Variants in ABR observed in about 807,000 individuals in gnomAD.
The protein encoded by ABR is ABR activator of RhoGEF and GTPase.
Under a neutral mutation model 107.2 loss-of-function variants are expected in ABR, and 35 were observed. The ratio of observed to expected loss-of-function variants is 0.33; its 90% CI spans 0.25 to 0.43. The LOEUF is 0.43. ABR is among the 20% of genes least tolerant of loss of function. The probability of loss-of-function intolerance (pLI) is 1.00; values close to 1 mark genes in which losing one functional copy is unlikely to be tolerated. For synonymous variants in ABR, 498 were observed against 462.0 expected, an observed-to-expected ratio of 1.08 and a Z score of -1.00; for missense variants, 815 against 1,115.2, an observed-to-expected ratio of 0.73 and a Z score of 3.83.
chr17:1,049,593 C>T (rs1363790462), intron 16 of ABR, among the ~76,000 whole-genome samples: 3 of 152,166 alleles, frequency 2.0e-5, no homozygotes, highest in African/African-American at 7.2e-5. Flanking sequence ...CCCCCCTCCC[C>T]CCAAGCCAAC....
chr17:1,160,663 C>G (rs144457026), intron 1 of ABR, among the ~76,000 whole-genome samples: 2 of 152,168 alleles, frequency 1.3e-5, no homozygotes, highest in Non-Finnish European at 2.9e-5. Context: ...AGCCAGACGC[C>G]GAGCGCGTAC....
chr17:1,058,655 G>A lies in ABR; in HGVS notation c.1305+90C>T, dbSNP rs543959680. The A allele has an allele frequency of 1.6e-4, 243 of 1,502,392 alleles. No homozygotes were observed. In the African/African-American group the frequency reaches 2.7e-3, roughly 17 times the overall value. 93.1% of individuals were successfully genotyped at this position (1,502,392 alleles called of 1,614,324 possible). A position where few individuals can be genotyped will look rare whatever the true frequency, so the allele number is the denominator to read the frequency against. ...TCAGGAAGAGGGGGCCTGAGTTTCC[G>A]GTTCGTACAGGTCAGGGCCAGGAGC... is the stretch of plus-strand genomic sequence containing the variant. On this transcript the variant is annotated intron_variant, in intron 11 of 22. Coordinates refer to ENST00000302538, the MANE Select transcript of ABR (RefSeq NM_021962.5).
At chr17:1,125,852 A>C (rs2039576905) in intron 1 of ABR, 1 of 166,300 alleles carries the variant, frequency 6.0e-6, no homozygotes. Context: ...CCAGGGGTCC[A>C]GGGCAGGTTC....
chr17:1,181,444 T>C (rs2042130707), upstream of ABR, among the ~76,000 whole-genome samples: 1 of 152,008 alleles, frequency 6.6e-6, no homozygotes, highest in African/African-American at 2.4e-5. Context: ...CGTCCCTGCG[T>C]CCCCAGGGCT....
At chr17:1,195,394 C>G (rs534665523) in intron 1 of ABR, among the ~76,000 whole-genome samples, 1 of 151,610 alleles carries the variant, frequency 6.6e-6, no homozygotes, top group African/African-American at 2.4e-5. Flanking sequence ...TCAGGCCCGG[C>G]CCTTAAGGGT....
At chr17:1,006,218 G>A (rs368718355) in intron 22 of ABR, 49 bp from the exon 23 acceptor site, 72 of 1,467,398 alleles carry the variant, frequency 4.9e-5, no homozygotes, top group Middle Eastern at 1.9e-4. Context: ...CCTAGGCCTC[G>A]TCCTTGCTGA....
At chr17:1,156,006 T>A (rs938649225) in intron 1 of ABR, 1 of 144,612 alleles carries the variant, frequency 6.9e-6, no homozygotes, top group African/African-American at 2.6e-5. Flanking sequence ...GGTGACCAGA[T>A]CCTGCTGGCC....
At chr17:1,055,550 CG>C (rs1437425137) in intron 14 of ABR, 1 of 149,436 alleles carries the variant, frequency 6.7e-6, no homozygotes, top group Non-Finnish European at 1.5e-5. Flanking sequence ...TTTTTTGAGA[CG>C]GATTCTCGCT....
intron 16 of ABR, chr17:1,031,937 T>TCCC: frequency 3.5e-6 from 3 of 853,798 alleles, no homozygotes; most frequent in Non-Finnish European, 4.5e-6. Context: ...GCATCCCTCC[T>TCCC]TCCCCGCCCT....
upstream of ABR, among the ~76,000 whole-genome samples, chr17:1,190,843 G>C (rs531839544): frequency 1.3e-5 from 2 of 152,348 alleles, no homozygotes; most frequent in South Asian, 4.1e-4. Context: ...TGAGTCACCA[G>C]CTCCCAGGAA....
intron 1 of ABR, among the ~76,000 whole-genome samples, chr17:1,156,884 T>C (rs1487147959): frequency 1.3e-5 from 2 of 152,174 alleles, no homozygotes; most frequent in African/African-American, 2.4e-5. Flanking sequence ...GAGAAGTGGC[T>C]CTTCCGTCCA....
chr17:1,199,780 GTT>G (rs557075388), intron 1 of ABR, among the ~76,000 whole-genome samples: 1 of 148,716 alleles, frequency 6.7e-6, no homozygotes, highest in South Asian at 2.1e-4. Flanking sequence ...AGTTTATTCA[GTT>G]TTTTTTTTCT....
rs111374874 is a variant in ABR, at chr17:1,007,168, C to A, written c.2487G>T (p.Ala829=). 6.2e-7 allele frequency: 1 copy of A among 1,611,616 alleles called. No individual in the cohort carries two copies. The highest frequency in any genetic ancestry group is 8.5e-7 in the Non-Finnish European group (1 of 1,179,158). The change falls in exon 22 of 23, where the codon GCG becomes GCT. Residue 829 remains alanine, a synonymous_variant. Transcript: ENST00000302538. The part of the protein sequence containing the change: ...AADIWSHDVM[A]QVQVLLYYLQ... ...GGCCCGGGCGGTGCCAGGGTACCTG[C>A]GCCATGACGTCATGGGACCAGATGT...
At chr17:1,043,277 C>T (rs754368675) in intron 16 of ABR, among the ~76,000 whole-genome samples, 3 of 152,126 alleles carry the variant, frequency 2.0e-5, no homozygotes, top group Non-Finnish European at 2.9e-5. Context: ...AAGCAATTCT[C>T]CAGCCTCAGT....
In ABR at chr17:1,010,713, G is replaced by GC; in HGVS notation, c.2236+15dup. The GC allele has an allele frequency of 6.2e-7, 1 of 1,612,790 alleles. No individual in the cohort carries two copies. The highest frequency in any genetic ancestry group is 1.3e-5 in the African/African-American group (1 of 75,042). On this transcript the variant is annotated intron_variant, in intron 20 of 22. Transcript: ENST00000302538. This position sits in a 1 kb window ranked among gnomAD's most constrained non-coding sequence, Gnocchi z 4.1. ...AGTCTGGCCCAGCCCAGTCCTAGGAGCCCTCAGGGCCTCACCGATGCCCTC... is the reference window on the plus strand; with the variant it reads ...AGTCTGGCCCAGCCCAGTCCTAGGAGCCCCTCAGGGCCTCACCGATGCCCTC...
rs150808433 is a variant in ABR, at chr17:1,202,791, A to C, written c.838+26002T>G. On this transcript the variant is annotated intron_variant, in intron 1 of 22. Transcript: ENST00000574139. ...AGACAAATGGCCCTCTTGTTTCAACAAGGAAGCTTCTACTGCTTGGGAGAA... is the reference window on the plus strand; with the variant it reads ...AGACAAATGGCCCTCTTGTTTCAACCAGGAAGCTTCTACTGCTTGGGAGAA... 1.3e-4 allele frequency among the ~76,000 whole-genome samples: 20 copies of C among 152,234 alleles called. No homozygotes were observed. The East Asian group carries it at 3.9e-3, about 29-fold the overall frequency.
In ABR at chr17:1,154,761, G is replaced by A. The variant is rs151095093; in HGVS notation, c.61+24906C>T. 1.6e-3 allele frequency: 246 copies of A among 152,002 alleles called. 2 individuals are homozygous for A. The highest frequency in any genetic ancestry group is 2.8e-3 in the Non-Finnish European group (192 of 68,018). The allele number at this position is 152,002 out of a possible 1,614,324, so 9.4% of individuals were successfully genotyped here. Reference sequence around the variant, plus strand: ...GCGCCTACCCATGGATGTAGTGCTCGCCCTCCCAAGGCCGGTGTCCTGGTG... The same window carrying A: ...GCGCCTACCCATGGATGTAGTGCTCACCCTCCCAAGGCCGGTGTCCTGGTG... On this transcript the variant is annotated intron_variant, in intron 1 of 22. Coordinates refer to ENST00000302538, the MANE Select transcript of ABR (RefSeq NM_021962.5). The surrounding 1 kb of genome is among the most constrained non-coding windows in gnomAD (Gnocchi z 4.0).
At position 1,022,120 on chromosome 17, in the gene ABR, A is replaced by AAAAAAAAAAAAAAAAAAAAAC. The variant is rs56033950; in HGVS notation, c.1792-8957_1792-8956insGTTTTTTTTTTTTTTTTTTTT. On this transcript the variant is annotated intron_variant, in intron 16 of 22. Transcript: ENST00000302538. ...AGACTCTGTCTCAAAAAAAAAAAAA[A>AAAAAAAAAAAAAAAAAAAAAC]AAAAACAGAAAATGACTCCAGAAGG... is the stretch of plus-strand genomic sequence containing the variant. 5.2e-4 allele frequency among the ~76,000 whole-genome samples: 61 copies of AAAAAAAAAAAAAAAAAAAAAC among 118,380 alleles called. 4 individuals are homozygous for AAAAAAAAAAAAAAAAAAAAAC. The highest frequency in any genetic ancestry group is 6.6e-4 in the African/African-American group (18 of 27,378). The allele number at this position is 118,380 out of a possible 152,430, so 77.7% of individuals were successfully genotyped here.
At chr17:1,087,955 A>G (rs2151281486) in intron 4 of ABR, among the ~76,000 whole-genome samples, 1 of 152,350 alleles carries the variant, frequency 6.6e-6, no homozygotes. Context: ...TGGAAACAGC[A>G]GCCTGGCACT....
Sources: gnomAD v4.1 joint callset for allele counts (sites outside exome capture counted in the v4.1 genomes callset) on GRCh38, gnomAD v4.1.1 for gene constraint, Gnocchi (gnomAD v3.1) non-coding constraint, MANE v1.5 for transcripts, NCBI Gene and HGNC (gene_info 2026-07-23, HGNC 2026-07-21) for gene names.